PDE10A: variants seen among roughly 807,000 people sequenced by gnomAD.
PDE10A encodes phosphodiesterase 10A, also known as cAMP and cAMP-inhibited cGMP 3',5'-cyclic phosphodiesterase 10A.
A neutral mutation model predicts 97.7 loss-of-function variants in PDE10A; 39 were observed. The observed-to-expected ratio is 0.40, with a 90% CI of 0.31 to 0.52. The LOEUF (loss-of-function observed/expected upper bound fraction) is 0.52. Among genes scored for constraint, PDE10A ranks in the 20% least tolerant of loss-of-function variants. The pLI, the probability that PDE10A is intolerant of heterozygous loss-of-function variation, is 0.56. For missense variants in PDE10A, 731 were observed against 1,047.8 expected, an observed-to-expected ratio of 0.70 and a Z score of 4.17; for synonymous variants, 371 against 376.8, an observed-to-expected ratio of 0.98 and a Z score of 0.18.
At chr6:165,613,411 G>A (rs1421569348) in intron 1 of PDE10A, among the ~76,000 whole-genome samples, 1 of 152,096 alleles carries the variant, frequency 6.6e-6, no homozygotes, top group Non-Finnish European at 1.5e-5. Flanking sequence ...AGGCCAAGAT[G>A]GGCAGATTGC....
intron 5 of PDE10A, among the ~76,000 whole-genome samples, chr6:165,442,187 C>CAACGTGCA: frequency 6.6e-6 from 1 of 152,196 alleles, no homozygotes; most frequent in South Asian, 2.1e-4. Context: ...TACATGTGCA[C>CAACGTGCA]AACGTGCAGG....
chr6:165,683,641 C>A (rs1406623418), intron 1 of PDE10A, among the ~76,000 whole-genome samples: 2 of 152,148 alleles, frequency 1.3e-5, no homozygotes, highest in Admixed American at 6.5e-5. Flanking sequence ...ATATCATAAA[C>A]CTCCCTGACC....
intron 1 of PDE10A, among the ~76,000 whole-genome samples, chr6:165,888,530 C>T (rs914313286): frequency 1.3e-5 from 2 of 152,084 alleles, no homozygotes; most frequent in African/African-American, 4.8e-5. Context: ...ATGCTCCACC[C>T]GCCTCAGCCT....
chr6:165,739,211 G>A (rs1185626560), intron 1 of PDE10A, among the ~76,000 whole-genome samples: 1 of 152,184 alleles, frequency 6.6e-6, no homozygotes, highest in Non-Finnish European at 1.5e-5. Flanking sequence ...AAAGCTGGAG[G>A]CACCATGCTA....
rs1031927586 is a variant in PDE10A at position 165,388,434 on chromosome 6, G to A, written c.2474C>T (p.Ala825Val). Residue 825 changes from alanine (A) to valine (V), a missense_variant, in exon 17 of 22, where the codon GCG becomes GTG. Ala to Val is a moderately conservative substitution (Grantham distance 64, BLOSUM62 0). This residue lies in a region of PDE10A where 131 missense variants were observed against 187.4 expected (regional missense o/e 0.70). Coordinates refer to ENST00000539869, the MANE Select transcript of PDE10A (RefSeq NM_001385079.1). This position sits in a 1 kb window ranked among gnomAD's most constrained non-coding sequence, Gnocchi z 4.0. ...GTGGTCCAGGTCATGACACAGACAC[G>A]CAATCAGCAGTCCTTTGCGCTTTAA... ...TDLERKGLLI[A>V]CLCHDLDHRG... 6.2e-7 allele frequency: 1 copy of A among 1,614,034 alleles called. No individual in the cohort carries two copies. Among genetic ancestry groups the A allele is most frequent in the Non-Finnish European group, 8.5e-7 (1 of 1,179,928 alleles).
At chr6:165,729,943 G>C (rs979098916) in intron 1 of PDE10A, among the ~76,000 whole-genome samples, 1 of 152,004 alleles carries the variant, frequency 6.6e-6, no homozygotes, top group African/African-American at 2.4e-5. Flanking sequence ...TGACTGCAAC[G>C]GAAAGACTTC....
intron 1 of PDE10A, among the ~76,000 whole-genome samples, chr6:165,911,984 A>AATATATATATATAT (rs138188072): frequency 2.2e-4 from 33 of 148,096 alleles, no homozygotes; most frequent in African/African-American, 8.1e-4. Flanking sequence ...GGGAAGTCTA[A>AATATATATATATAT]ATATATATAT....
intron 1 of PDE10A, among the ~76,000 whole-genome samples, chr6:165,582,954 C>T (rs1265550920): frequency 1.3e-5 from 2 of 152,146 alleles, no homozygotes; most frequent in Non-Finnish European, 2.9e-5. Flanking sequence ...AACTCAAAAC[C>T]TTTATAAATA....
At chr6:165,856,628 T>C (rs1341109462) in intron 1 of PDE10A, among the ~76,000 whole-genome samples, 3 of 152,206 alleles carry the variant, frequency 2.0e-5, no homozygotes, top group Admixed American at 6.5e-5. Flanking sequence ...TTACAGAACA[T>C]TTTTACTCTA....
intron 18 of PDE10A, among the ~76,000 whole-genome samples, chr6:165,375,515 G>T (rs1334160365): frequency 2.6e-5 from 4 of 152,192 alleles, no homozygotes; most frequent in Non-Finnish European, 5.9e-5. Flanking sequence ...TTAAAGCAAG[G>T]TAAAAAGTGC....
chr6:165,958,206 C>A (rs910595679), intron 1 of PDE10A, among the ~76,000 whole-genome samples: 4 of 152,240 alleles, frequency 2.6e-5, no homozygotes, highest in Non-Finnish European at 1.5e-5. Flanking sequence ...TGAGCTTCAA[C>A]GTCCTGGGCT....
At chr6:165,903,881 G>C (rs1053166949) in intron 1 of PDE10A, among the ~76,000 whole-genome samples, 2 of 152,166 alleles carry the variant, frequency 1.3e-5, no homozygotes, top group African/African-American at 2.4e-5. Context: ...TGGAAAAGAA[G>C]AGGGCATCAA....
chr6:165,816,901 T>C (rs1447190123), intron 1 of PDE10A, among the ~76,000 whole-genome samples: 2 of 152,034 alleles, frequency 1.3e-5, no homozygotes, highest in East Asian at 3.9e-4. Context: ...AGGAAGCCTC[T>C]AAGGGGATGA....
rs752444428 is a variant in PDE10A, at chr6:165,379,343, G to A, written c.2634C>T (p.Ser878=). ...ILQLEGHNIF[S]TLSSSEYEQV... is the part of the protein sequence containing the mutation. Reference sequence around the variant, plus strand: ...GCTCATATTCACTGGAGCTCAGAGTGGAGAAGATATTGTGCCCTTCCAACT... The same window carrying A: ...GCTCATATTCACTGGAGCTCAGAGTAGAGAAGATATTGTGCCCTTCCAACT... The change falls in exon 18 of 22, where the codon TCC becomes TCT. Residue 878 remains serine, a synonymous_variant. Transcript: ENST00000539869. The A allele has an allele frequency of 6.2e-7, 1 of 1,612,934 alleles. No homozygotes were observed.
At chr6:165,454,629 G>A (rs1030612654) in intron 3 of PDE10A, among the ~76,000 whole-genome samples, 11 of 152,084 alleles carry the variant, frequency 7.2e-5, no homozygotes, top group Admixed American at 2.6e-4. Flanking sequence ...TCTGCCATGG[G>A]ATGATGCAGC....
intron 2 of PDE10A, among the ~76,000 whole-genome samples, chr6:165,498,585 AG>A (rs2128293209): frequency 6.6e-6 from 1 of 152,232 alleles, no homozygotes; most frequent in South Asian, 2.1e-4. Flanking sequence ...GAGGTATACA[AG>A]ATTCCATGAA....
intron 1 of PDE10A, among the ~76,000 whole-genome samples, chr6:165,706,128 C>T (rs1268592847): frequency 1.3e-5 from 2 of 152,184 alleles, no homozygotes; most frequent in Non-Finnish European, 2.9e-5. Flanking sequence ...CAGAAATGCA[C>T]ATTCCAGGAG....
intron 2 of PDE10A, among the ~76,000 whole-genome samples, chr6:165,533,755 A>G (rs1782916942): frequency 6.6e-6 from 1 of 152,160 alleles, no homozygotes; most frequent in South Asian, 2.1e-4. Context: ...GATTCTTTTT[A>G]ACTGGGAAAT....
chr6:165,532,046 A>C (rs1782811294), intron 2 of PDE10A, among the ~76,000 whole-genome samples: 1 of 152,244 alleles, frequency 6.6e-6, no homozygotes, highest in African/African-American at 2.4e-5. Context: ...AGGAGTAACA[A>C]GCATATTCAT....
Sources: allele counts gnomAD v4.1 joint callset (sites outside exome capture counted in the v4.1 genomes callset), GRCh38; gene constraint gnomAD v4.1.1; regional missense constraint gnomAD v4.1.1; non-coding constraint Gnocchi (gnomAD v3.1); transcripts MANE v1.5; gene names NCBI Gene and HGNC (gene_info 2026-07-23, HGNC 2026-07-21).